Variants in GINM1 observed in about 807,000 individuals in gnomAD.
GINM1 encodes the protein glycosylated integral membrane protein 1.
Under a neutral mutation model 37.8 loss-of-function variants are expected in GINM1, and 29 were observed. The observed-to-expected ratio is 0.77, with a 90% confidence interval of 0.57 to 1.05. The LOEUF is 1.05. GINM1 is among the 50% of genes least tolerant of loss of function. GINM1 has a pLI of 0.00. For missense variants in GINM1, 377 were observed against 397.9 expected, an observed-to-expected ratio of 0.95 and a Z score of 0.45; for synonymous variants, 143 against 146.2, an observed-to-expected ratio of 0.98 and a Z score of 0.16.
chr6:149,587,961 A>G (rs976308259), intron 7 of GINM1, among the ~76,000 whole-genome samples: 2 of 152,236 alleles, frequency 1.3e-5, no homozygotes, highest in Non-Finnish European at 2.9e-5. Flanking sequence ...GAGCTGTTCC[A>G]GGAAGCCAGA....
intron 7 of GINM1, among the ~76,000 whole-genome samples, chr6:149,588,118 CAT>C (rs1188195303): frequency 6.6e-6 from 1 of 152,168 alleles, no homozygotes; most frequent in Non-Finnish European, 1.5e-5. Context: ...TTTCTTTGCA[CAT>C]GTGTATTTAT....
At chr6:149,581,374 G>A (rs1777996832) in intron 6 of GINM1, among the ~76,000 whole-genome samples, 1 of 152,154 alleles carries the variant, frequency 6.6e-6, no homozygotes, top group Admixed American at 6.5e-5. Context: ...GGCCAGGCTG[G>A]TCTCAAACTC....
At chr6:149,582,310 C>T (rs984268799) in intron 6 of GINM1, 130 bp from the exon 7 acceptor site, 3 of 750,844 alleles carry the variant, frequency 4.0e-6, no homozygotes, top group Admixed American at 2.5e-5. Flanking sequence ...AATGTAGTCA[C>T]CCATGTAACT....
rs1313698427 is a variant in GINM1, at chr6:149,578,952, A to G, written c.408A>G (p.Val136=). The change falls in exon 4 of 8, where the codon GTA becomes GTG. Residue 136 remains valine (V), a synonymous_variant. Coordinates refer to ENST00000367419, the MANE Select transcript of GINM1 (RefSeq NM_138785.5). The part of the protein sequence containing the change: ...SLQLIVIQEE[V]VEIDGKQVQQ... ...AACTAATTGTCATTCAAGAAGAGGT[A>G]GTAGAGATTGATGGAAAACAAGTAA... 1 of 1,594,740 alleles carries G rather than the reference A, an allele frequency of 6.3e-7. No individual in the cohort carries two copies. Among genetic ancestry groups the G allele is most frequent in the East Asian group, 2.2e-5 (1 of 44,660 alleles).
intron 1 of GINM1, among the ~76,000 whole-genome samples, chr6:149,570,303 G>A (rs1421740864): frequency 6.6e-6 from 1 of 150,486 alleles, no homozygotes; most frequent in Non-Finnish European, 1.5e-5. Context: ...GCTGTTAGAA[G>A]AATAATAGTT....
At chr6:149,567,088 TCAC>T (rs1562268967) in intron 1 of GINM1, among the ~76,000 whole-genome samples, 1 of 152,160 alleles carries the variant, frequency 6.6e-6, no homozygotes, top group Non-Finnish European at 1.5e-5. Context: ...GGAGAAGTTC[TCAC>T]GGCGGGGCGC....
intron 3 of GINM1, among the ~76,000 whole-genome samples, chr6:149,577,835 G>A (rs978568074): frequency 1.3e-5 from 2 of 152,136 alleles, no homozygotes; most frequent in Admixed American, 6.6e-5. Context: ...TTTTTCGATA[G>A]CACTTCTACC....
intron 2 of GINM1, 74 bp downstream of exon 2, chr6:149,572,418 A>C: frequency 7.8e-7 from 1 of 1,278,512 alleles, no homozygotes; most frequent in Non-Finnish European, 1.1e-6. Context: ...TTTAACTTGC[A>C]CGTCTCATTT....
In GINM1 at chr6:149,577,250, C is replaced by T. The variant is rs531717886; in HGVS notation, c.278-1572C>T. The T allele has an allele frequency of 2.6e-5, 4 of 152,398 alleles. No homozygotes were observed. The East Asian group carries it at 7.7e-4, about 29-fold the overall frequency. The allele number at this position is 152,398 out of a possible 1,614,324, so 9.4% of individuals were successfully genotyped here. ...TGCATTTTCTCACCCATTGAGTCTC[C>T]TGTACCTTAGTCTTTGGGCTTACGG... is the stretch of plus-strand genomic sequence containing the variant. On this transcript the variant is annotated intron_variant, in intron 3 of 7. Transcript: ENST00000367419.
At chr6:149,585,887 C>T (rs1156866073) in intron 7 of GINM1, among the ~76,000 whole-genome samples, 1 of 152,162 alleles carries the variant, frequency 6.6e-6, no homozygotes, top group Non-Finnish European at 1.5e-5. Flanking sequence ...CCACCGCGCC[C>T]AGCAATTTTG....
intron 3 of GINM1, 100 bp downstream of exon 3, chr6:149,572,703 C>A: frequency 1.3e-6 from 1 of 774,028 alleles, no homozygotes; most frequent in East Asian, 2.6e-5. Context: ...GCTCTGTCAC[C>A]CAGGCTGGAG....
intron 5 of GINM1, 65 bp from the exon 6 acceptor site, chr6:149,580,528 G>C: frequency 7.0e-7 from 1 of 1,428,502 alleles, no homozygotes; most frequent in South Asian, 1.3e-5. Flanking sequence ...TATTGGTATC[G>C]TAATCTTAGG....
At chr6:149,581,692 A>G (rs1227745268) in intron 6 of GINM1, among the ~76,000 whole-genome samples, 3 of 152,216 alleles carry the variant, frequency 2.0e-5, no homozygotes, top group African/African-American at 4.8e-5. Context: ...CCAGGAATAT[A>G]TTCATGGGTT....
At chr6:149,571,783 A>G (rs1437462052) in intron 1 of GINM1, among the ~76,000 whole-genome samples, 2 of 152,152 alleles carry the variant, frequency 1.3e-5, no homozygotes, top group East Asian at 1.9e-4. Flanking sequence ...TAGAAAAAGT[A>G]TATATTATAA....
At position 149,566,569 on chromosome 6, in the gene GINM1, A is replaced by C; in HGVS notation, c.120+35A>C. The C allele has an allele frequency of 6.9e-7, 1 of 1,455,670 alleles. No individual in the cohort carries two copies. Among genetic ancestry groups the C allele is most frequent in the Non-Finnish European group, 9.1e-7 (1 of 1,104,908 alleles). 90.2% of individuals were successfully genotyped at this position (1,455,670 alleles called of 1,614,324 possible). A position where few individuals can be genotyped will look rare whatever the true frequency, so the allele number is the denominator to read the frequency against. On this transcript the variant is annotated intron_variant, in intron 1 of 7. Transcript: ENST00000367419. This position sits in a 1 kb window ranked among gnomAD's most constrained non-coding sequence, Gnocchi z 4.4. The stretch of plus-strand genomic sequence containing the variant: ...GGCGGGCCTGGCTGGCCGCTTTACG[A>C]CTCCGACTCTCCGGGAGGCCCGGGC...
chr6:149,572,668 G>A, intron 3 of GINM1, 65 bp downstream of exon 3: 1 of 1,050,392 alleles, frequency 9.5e-7, no homozygotes, highest in Non-Finnish European at 1.5e-6. Flanking sequence ...TGTTGTTGTT[G>A]TTGTTTGTTT....
In GINM1 at chr6:149,572,525, T is replaced by C. The variant is rs1287037295; in HGVS notation, c.199T>C (p.Tyr67His). 1.3e-6 allele frequency: 2 copies of C among 1,594,358 alleles called. No individual in the cohort carries two copies. The highest frequency in any genetic ancestry group is 1.7e-6 in the Non-Finnish European group (2 of 1,165,986). ...TTTTAAGGTTGTTCTTAACATAACC[T>C]ATGAGAGTGGACAGGTGTATGTAAA... ...SKQQVVLNIT[Y>H]ESGQVYVNDL... The change falls in exon 3 of 8, where the codon TAT becomes CAT. Residue 67 changes from tyrosine to histidine, a missense_variant. Tyr to His is a moderately conservative substitution (Grantham distance 83). Transcript: ENST00000367419.
chr6:149,572,901 A>T (rs955285105), intron 3 of GINM1, among the ~76,000 whole-genome samples: 1 of 152,186 alleles, frequency 6.6e-6, no homozygotes, highest in African/African-American at 2.4e-5. Flanking sequence ...CCTAGCCTCA[A>T]ACCATCTACC....
chr6:149,571,576 A>G (rs924181866), intron 1 of GINM1, among the ~76,000 whole-genome samples: 1 of 152,178 alleles, frequency 6.6e-6, no homozygotes, highest in Non-Finnish European at 1.5e-5. Flanking sequence ...TAGTAAAACT[A>G]TAAAGAAAAG....
Sources: allele counts gnomAD v4.1 joint callset (sites outside exome capture counted in the v4.1 genomes callset), GRCh38; gene constraint gnomAD v4.1.1; non-coding constraint Gnocchi (gnomAD v3.1); transcripts MANE v1.5; gene names NCBI Gene and HGNC (gene_info 2026-07-23, HGNC 2026-07-21).